The following VAV2 variants were observed in gnomAD, a reference collection of about 807,000 sequenced individuals.
VAV2 encodes the protein vav guanine nucleotide exchange factor 2, also known as guanine nucleotide exchange factor VAV2.
VAV2 carries 67 observed loss-of-function variants against 132.5 expected under a neutral mutation model. The ratio of observed to expected loss-of-function variants is 0.51; its 90% CI spans 0.42 to 0.62. The LOEUF is 0.62. Ranked by LOEUF, VAV2 falls within the 20% of genes least tolerant of loss-of-function variation. VAV2 has a pLI of 0.00. For synonymous variants in VAV2, 492 were observed against 443.5 expected, an observed-to-expected ratio of 1.11 and a Z score of -1.37; for missense variants, 938 against 1,153.6, an observed-to-expected ratio of 0.81 and a Z score of 2.71.
Position 133,770,424 on chromosome 9 carries a change from G to C in VAV2, c.2301C>G (p.Tyr767Ter), listed in dbSNP as rs1366276670. The C allele has an allele frequency of 1.2e-6, 2 of 1,614,194 alleles. No homozygotes were observed. The highest frequency in any genetic ancestry group is 1.3e-5 in the African/African-American group (1 of 75,074). The change falls in exon 27 of 30, where the codon TAC (tyrosine) becomes TAG (stop). Residue 767 changes from tyrosine (Y) to a stop codon, truncating the protein, a stop_gained. Coordinates refer to ENST00000371850, the MANE Select transcript of VAV2 (RefSeq NM_001134398.2). LOFTEE classifies it high-confidence loss of function. ...TGGAGGCCGAACGTTCCCGGGACTT[G>C]TAGGGGTACTTGAGTGTGGTGTCCA... is the stretch of plus-strand genomic sequence containing the variant. ...KQLDTTLKYPYKSRERSASRA... is the reference protein window; with the variant it reads ...KQLDTTLKYP
chr9:133,781,801 C>T (rs750319304), intron 19 of VAV2, among the ~76,000 whole-genome samples: 25 of 152,358 alleles, frequency 1.6e-4, no homozygotes, highest in Middle Eastern at 6.8e-3. Context: ...GGCAAGGACA[C>T]AGGCCCCTGG....
chr9:133,860,346 C>G (rs1837547668), intron 3 of VAV2, among the ~76,000 whole-genome samples: 2 of 151,670 alleles, frequency 1.3e-5, no homozygotes, highest in Admixed American at 6.6e-5. Context: ...TTTTTAAAAA[C>G]CTCAATTCAA....
chr9:133,889,046 T>A (rs538220298), intron 2 of VAV2, among the ~76,000 whole-genome samples: 1 of 152,252 alleles, frequency 6.6e-6, no homozygotes, highest in African/African-American at 2.4e-5. Context: ...AGCTCTTTGC[T>A]GAGATCAAGA....
chr9:133,965,238 C>T (rs1019739740), intron 1 of VAV2, among the ~76,000 whole-genome samples: 21 of 151,620 alleles, frequency 1.4e-4, no homozygotes, highest in East Asian at 3.9e-4. Flanking sequence ...CTCTAATCAC[C>T]GCACATTGGG....
In VAV2 at chr9:133,918,284, C is replaced by T. The variant is rs138309608; in HGVS notation, c.321+20819G>A. Among the ~76,000 whole-genome samples the T allele has an allele frequency of 1.1e-4, 17 of 152,264 alleles. 1 individual carries two copies. The highest frequency in any genetic ancestry group is 3.4e-4 in the African/African-American group (14 of 41,552). Reference sequence around the variant, plus strand: ...AAACAAAGGAGCGCACTCTCTGCGGCGGCAGAAAAGCGAACCAGAGAGCAG... The same window carrying T: ...AAACAAAGGAGCGCACTCTCTGCGGTGGCAGAAAAGCGAACCAGAGAGCAG... On this transcript the variant is annotated intron_variant, in intron 2 of 29. Coordinates refer to ENST00000371850, the MANE Select transcript of VAV2 (RefSeq NM_001134398.2). This position sits in a 1 kb window ranked among gnomAD's most constrained non-coding sequence, Gnocchi z 4.7.
chr9:133,771,899 G>C, intron 26 of VAV2, 60 bp downstream of exon 26: 1 of 1,483,594 alleles, frequency 6.7e-7, no homozygotes, highest in Non-Finnish European at 9.4e-7. Context: ...TCAGGGCCGG[G>C]AGGAAGCACC....
chr9:133,939,406 G>T lies in VAV2; in HGVS notation c.205-187C>A, dbSNP rs114340339. ...AAACCCCCCGTCCCAAGGCTGGGGG[G>T]TGAGAAGCCAGGCCTGGATGGAAGT... is the stretch of plus-strand genomic sequence containing the variant. On this transcript the variant is annotated intron_variant, in intron 1 of 29. Transcript: ENST00000371850. The T allele has an allele frequency of 1.8e-3, 1,117 of 628,976 alleles. 10 individuals carry two copies. The African/African-American group carries it at 0.018, about 10-fold the overall frequency. The allele number at this position is 628,976 out of a possible 1,614,324, so 39.0% of individuals were successfully genotyped here.
Position 133,834,400 on chromosome 9 carries a change from C to T in VAV2, c.381-60G>A, listed in dbSNP as rs1836382834. ...TCCCGGCACTGCCGGCCAGTGGGAC[C>T]CCAGCTGGACCCCACAGCAGAGCCC... On this transcript the variant is annotated intron_variant, in intron 3 of 29. Transcript: ENST00000371850. This position sits in a 1 kb window ranked among gnomAD's most constrained non-coding sequence, Gnocchi z 5.9. 4.5e-6 allele frequency: 7 copies of T among 1,549,874 alleles called. No individual in the cohort carries two copies. Among genetic ancestry groups the T allele is most frequent in the South Asian group, 1.2e-5 (1 of 86,352 alleles).
intron 18 of VAV2, among the ~76,000 whole-genome samples, 200 bp downstream of exon 18, chr9:133,784,117 C>T (rs926784497): frequency 6.6e-6 from 1 of 152,174 alleles, no homozygotes; most frequent in Non-Finnish European, 1.5e-5. Context: ...TGGGCTCAAG[C>T]GATTCGCCTG....
In VAV2 at chr9:133,807,137, G is replaced by T. The variant is rs1250872191; in HGVS notation, c.735+121C>A. On this transcript the variant is annotated intron_variant, in intron 8 of 29. Transcript: ENST00000371850. ...GGGGGCTCCTCCTTCCGGCCAGCAC[G>T]AGCCACCACGGAGCCACAGGGGTGC... The T allele has an allele frequency of 1.0e-5, 12 of 1,173,018 alleles. No homozygotes were observed. In the South Asian group the frequency reaches 1.4e-4, roughly 14 times the overall value. 72.7% of individuals were successfully genotyped at this position (1,173,018 alleles called of 1,614,324 possible).
At chr9:133,895,730 G>A (rs1588331154) in intron 2 of VAV2, among the ~76,000 whole-genome samples, 1 of 152,134 alleles carries the variant, frequency 6.6e-6, no homozygotes, top group South Asian at 2.1e-4. Flanking sequence ...GTGGATACAT[G>A]GCCTTGTGAA....
In VAV2 at chr9:133,939,309, G is replaced by A. The variant is rs1452491308; in HGVS notation, c.205-90C>T. On this transcript the variant is annotated intron_variant, in intron 1 of 29. Transcript: ENST00000371850. ...CGTAACAGCAACAGCAGCAAGCTCT[G>A]GCTTCCGTGCGCCAGCACATCCAAG... 3.4e-6 allele frequency: 4 copies of A among 1,167,158 alleles called. No homozygotes were observed. The African/African-American group carries it at 4.5e-5, about 13-fold the overall frequency. The allele number at this position is 1,167,158 out of a possible 1,614,324, so 72.3% of individuals were successfully genotyped here.
chr9:133,903,223 C>G (rs1013024421), intron 2 of VAV2, among the ~76,000 whole-genome samples: 3 of 152,164 alleles, frequency 2.0e-5, no homozygotes, highest in Admixed American at 6.5e-5. Flanking sequence ...AAGGCACCAG[C>G]CCCGCCGCCA....
intron 2 of VAV2, among the ~76,000 whole-genome samples, chr9:133,874,035 C>G (rs1838165602): frequency 6.6e-6 from 1 of 152,212 alleles, no homozygotes; most frequent in Non-Finnish European, 1.5e-5. Flanking sequence ...TTCTGTGGCT[C>G]TCCCCTTTCT....
At chr9:133,888,155 C>G (rs1355601000) in intron 2 of VAV2, among the ~76,000 whole-genome samples, 3 of 152,134 alleles carry the variant, frequency 2.0e-5, no homozygotes, top group Non-Finnish European at 2.9e-5. Flanking sequence ...GCCCCTGGAG[C>G]CGGCAGACTC....
At chr9:133,889,749 T>TACAC (rs71503360) in intron 2 of VAV2, among the ~76,000 whole-genome samples, 1 of 22,996 alleles carries the variant, frequency 4.3e-5, no homozygotes, top group African/African-American at 6.4e-5. Context: ...ACATTTCATT[T>TACAC]ACACACACAC....
chr9:133,922,584 G>A (rs890194306), intron 2 of VAV2, among the ~76,000 whole-genome samples: 1 of 152,166 alleles, frequency 6.6e-6, no homozygotes, highest in African/African-American at 2.4e-5. Context: ...AGATTCCAAG[G>A]CCATTCAGTG....
chr9:133,784,979 G>T (rs776409201), intron 17 of VAV2, among the ~76,000 whole-genome samples: 6 of 152,140 alleles, frequency 3.9e-5, no homozygotes, highest in Non-Finnish European at 8.8e-5. Flanking sequence ...TGCACAATAG[G>T]ATGTTGGGGA....
chr9:133,893,733 C>T (rs950662866), intron 2 of VAV2, among the ~76,000 whole-genome samples: 7 of 152,252 alleles, frequency 4.6e-5, no homozygotes, highest in African/African-American at 1.4e-4. Context: ...CGGAGGGTGG[C>T]GGGACGGTGA....
Sources: allele counts gnomAD v4.1 joint callset (sites outside exome capture counted in the v4.1 genomes callset), GRCh38; gene constraint gnomAD v4.1.1; non-coding constraint Gnocchi (gnomAD v3.1); transcripts MANE v1.5; gene names NCBI Gene and HGNC (gene_info 2026-07-23, HGNC 2026-07-21).